Variants in MYLK2 observed in about 807,000 individuals in gnomAD.
MYLK2 encodes the protein myosin light chain kinase 2.
MYLK2 carries 27 observed loss-of-function variants against 58.2 expected under a neutral mutation model. The ratio of observed to expected loss-of-function variants is 0.46; its 90% confidence interval spans 0.34 to 0.64. The LOEUF (loss-of-function observed/expected upper bound fraction) is 0.64. Ranked by LOEUF, MYLK2 falls within the 30% of genes least tolerant of loss-of-function variation. The probability of loss-of-function intolerance (pLI) is 0.01; values close to 1 mark genes in which losing one functional copy is unlikely to be tolerated. For synonymous variants in MYLK2, 310 were observed against 296.7 expected (o/e 1.04, Z -0.46); for missense variants, 676 against 764.3 (o/e 0.88, Z 1.36).
intron 6 of MYLK2, 42 bp downstream of exon 6, chr20:31,824,394 G>T: frequency 6.3e-7 from 1 of 1,582,066 alleles, no homozygotes. Flanking sequence ...GGATGGGGAG[G>T]GGATCCTTGG....
rs141415487 is a variant in MYLK2, at chr20:31,831,757, C to A, written c.1479C>A (p.Asn493Lys). 1 of 1,614,132 alleles carries A rather than the reference C, an allele frequency of 6.2e-7. No individual in the cohort carries two copies. Among genetic ancestry groups the A allele is most frequent in the Non-Finnish European group, 8.5e-7 (1 of 1,180,008 alleles). Reference sequence around the variant, plus strand: ...ATGATGACACAGAGACCCTAAACAACGTTCTATCTGGCAACTGGTACTTTG... The same window carrying A: ...ATGATGACACAGAGACCCTAAACAAAGTTCTATCTGGCAACTGGTACTTTG... ...LGDDDTETLN[N>K]VLSGNWYFDE... Residue 493 changes from asparagine (N) to lysine (K), a missense_variant, in exon 11 of 13, where the codon AAC becomes AAA. Coordinates refer to ENST00000375985, the MANE Select transcript of MYLK2 (RefSeq NM_033118.4).
In MYLK2 at chr20:31,830,872, CTT is replaced by C; in HGVS notation, c.1280_1281del (p.Phe427TrpfsTer7). 1 of 1,431,178 alleles carries C rather than the reference CTT, an allele frequency of 7.0e-7. No individual in the cohort carries two copies. Among genetic ancestry groups the C allele is most frequent in the African/African-American group, 1.6e-5 (1 of 64,368 alleles). 88.7% of individuals were successfully genotyped at this position (1,431,178 alleles called of 1,614,324 possible). On this transcript the variant is annotated frameshift_variant, in exon 9 of 13. Transcript: ENST00000375985. LOFTEE classifies it high-confidence loss of function. ...TTGHLVKIID[F>X]GLARRYNPNE... ...CCGGGCATTTGGTGAAGATCATTGACTTTGGCCTGGCACGGAGGTACCACCTG... is the reference window on the plus strand; with the variant it reads ...CCGGGCATTTGGTGAAGATCATTGACTGGCCTGGCACGGAGGTACCACCTG...
chr20:31,825,840 C>G (rs1008508485), intron 6 of MYLK2, among the ~76,000 whole-genome samples: 3 of 152,172 alleles, frequency 2.0e-5, no homozygotes, highest in Non-Finnish European at 1.5e-5. Context: ...GTAAGTATTC[C>G]TATTATAGCC....
intron 8 of MYLK2, chr20:31,828,734 ACTGT>A: frequency 1.0e-6 from 1 of 985,228 alleles, no homozygotes; most frequent in Non-Finnish European, 1.2e-6. Flanking sequence ...TGTGCCCGAC[ACTGT>A]CTGAGTGAGG....
At chr20:31,828,696 G>A (rs781635861) in intron 8 of MYLK2, 71 of 985,314 alleles carry the variant, frequency 7.2e-5, no homozygotes, top group African/African-American at 1.7e-4. Context: ...TGCTGTTGCC[G>A]CCTCTAACAC....
chr20:31,822,212 C>T (rs1325820242), intron 4 of MYLK2, among the ~76,000 whole-genome samples: 1 of 152,042 alleles, frequency 6.6e-6, no homozygotes, highest in Non-Finnish European at 1.5e-5. Context: ...GACTCCAGAA[C>T]CCACTTTTGA....
chr20:31,827,540 A>G (rs2062286706), intron 8 of MYLK2: 1 of 985,138 alleles, frequency 1.0e-6, no homozygotes, highest in Admixed American at 6.2e-5. Flanking sequence ...TTTTTTTGAG[A>G]TAGAGTCTCA....
chr20:31,823,392 G>A, intron 4 of MYLK2, 85 bp from the exon 5 acceptor site: 1 of 1,283,954 alleles, frequency 7.8e-7, no homozygotes, highest in South Asian at 1.2e-5. Flanking sequence ...CCTAGATGGG[G>A]CCCAGGCCAG....
intron 12 of MYLK2, 31 bp downstream of exon 12, chr20:31,832,167 G>GTGGC: frequency 1.5e-6 from 2 of 1,291,628 alleles, no homozygotes; most frequent in Non-Finnish European, 2.2e-6. Context: ...GGGAGGGAGG[G>GTGGC]CTTGCTAGTG....
intron 10 of MYLK2, 36 bp downstream of exon 10, chr20:31,831,177 T>C (rs1426632536): frequency 6.2e-7 from 1 of 1,613,464 alleles, no homozygotes; most frequent in Admixed American, 1.7e-5. Flanking sequence ...ATGGGGTTGG[T>C]GGGGCATGGG....
Position 31,823,498 on chromosome 20 carries a change from C to T in MYLK2, c.794C>T (p.Ala265Val). ...QILDDCPPPP[A>V]PFPHRMVELR... is the part of the protein sequence containing the mutation. ...CCAGATGATTGCCCGCCACCTCCGG[C>T]CCCCTTCCCTCACCGCATGGTGGAG... is the stretch of plus-strand genomic sequence containing the variant. The change falls in exon 5 of 13, where the codon GCC (alanine) becomes GTC (valine). Residue 265 changes from alanine (A) to valine (V), a missense_variant. Coordinates refer to ENST00000375985, the MANE Select transcript of MYLK2 (RefSeq NM_033118.4). 1 of 1,613,400 alleles carries T rather than the reference C, an allele frequency of 6.2e-7. No homozygotes were observed. The highest frequency in any genetic ancestry group is 8.5e-7 in the Non-Finnish European group (1 of 1,180,000).
chr20:31,823,928 C>T (rs1600409234), intron 5 of MYLK2: 1 of 985,200 alleles, frequency 1.0e-6, no homozygotes, highest in Non-Finnish European at 1.2e-6. Flanking sequence ...TGCAGATCCT[C>T]CCTCTGCCTG....
At chr20:31,832,165 G>T (rs755824772) in intron 12 of MYLK2, 29 bp downstream of exon 12, 1 of 1,592,490 alleles carries the variant, frequency 6.3e-7, no homozygotes, top group Admixed American at 1.7e-5. Flanking sequence ...TGGGGAGGGA[G>T]GGCTTGCTAG....
intron 4 of MYLK2, 137 bp from the exon 5 acceptor site, chr20:31,823,340 G>A: frequency 1.3e-6 from 1 of 744,196 alleles, no homozygotes; most frequent in East Asian, 2.5e-5. Context: ...CCCTATCCTG[G>A]AGCCAGGTGT....
chr20:31,833,749 C>T lies in MYLK2; in HGVS notation c.1743C>T (p.Arg581=). Residue 581 remains arginine, a synonymous_variant, in exon 13 of 13, where the codon CGC becomes CGT. Coordinates refer to ENST00000375985, the MANE Select transcript of MYLK2 (RefSeq NM_033118.4). Reference sequence around the variant, plus strand: ...TCATTGCTGTCAGCGCTGCCAACCGCTTCAAGAAGATCAGCAGCTCGGGGG... The same window carrying T: ...TCATTGCTGTCAGCGCTGCCAACCGTTTCAAGAAGATCAGCAGCTCGGGGG... The part of the protein sequence containing the change: ...KNFIAVSAAN[R]FKKISSSGAL... The T allele has an allele frequency of 6.2e-7, 1 of 1,613,958 alleles. No homozygotes were observed. The highest frequency in any genetic ancestry group is 1.1e-5 in the South Asian group (1 of 91,088).
At chr20:31,824,221 T>A in intron 5 of MYLK2, 38 bp from the exon 6 acceptor site, 2 of 1,603,046 alleles carry the variant, frequency 1.2e-6, no homozygotes, top group Non-Finnish European at 1.7e-6. Context: ...CCCGGTGGGC[T>A]CTGGGGTCCC....
At chr20:31,829,934 C>G (rs2062297271) in intron 8 of MYLK2, among the ~76,000 whole-genome samples, 1 of 152,170 alleles carries the variant, frequency 6.6e-6, no homozygotes, top group South Asian at 2.1e-4. Flanking sequence ...CTTTGTTAGA[C>G]CCTGAGGGTG....
chr20:31,823,697 A>C, intron 5 of MYLK2, 115 bp downstream of exon 5: 1 of 1,038,948 alleles, frequency 9.6e-7, no homozygotes, highest in Non-Finnish European at 1.5e-6. Flanking sequence ...ACATGGCCAC[A>C]TGGACATGTT....
In MYLK2 at chr20:31,831,727, G is replaced by A. The variant is rs2123140740; in HGVS notation, c.1449G>A (p.Leu483=). The A allele has an allele frequency of 6.2e-7, 1 of 1,613,908 alleles. No individual in the cohort carries two copies. Among genetic ancestry groups the A allele is most frequent in the South Asian group, 1.1e-5 (1 of 91,058 alleles). Residue 483 remains leucine (L), a synonymous_variant, in exon 11 of 13, where the codon CTG becomes CTA. Coordinates refer to ENST00000375985, the MANE Select transcript of MYLK2 (RefSeq NM_033118.4). Reference sequence around the variant, plus strand: ...GGCTGAGCGGCCTCTCCCCCTTCCTGGGAGATGATGACACAGAGACCCTAA... The same window carrying A: ...GGCTGAGCGGCCTCTCCCCCTTCCTAGGAGATGATGACACAGAGACCCTAA... The part of the protein sequence containing the change: ...YMLLSGLSPF[L]GDDDTETLNN...
Sources: allele counts gnomAD v4.1 joint callset (sites outside exome capture counted in the v4.1 genomes callset), GRCh38; gene constraint gnomAD v4.1.1; transcripts MANE v1.5; gene names NCBI Gene and HGNC (gene_info 2026-07-23, HGNC 2026-07-21).